ATOSA: variants seen among roughly 807,000 people sequenced by gnomAD.
The protein encoded by ATOSA is atos homolog A, also known as atos homolog protein A.
the ATOSA span, among the ~76,000 whole-genome samples, chr15:52,691,838 ATAAAT>A: frequency 8.6e-6 from 1 of 115,650 alleles, no homozygotes; most frequent in Non-Finnish European, 1.9e-5. Context: ...TGTGTCAAAA[ATAAAT>A]AAATAAATAA....
chr15:52,589,666 T>C, the ATOSA span, among the ~76,000 whole-genome samples: 33 of 152,364 alleles, frequency 2.2e-4, 1 homozygote, highest in South Asian at 6.4e-3. Context: ...TGGGAAATTA[T>C]TTGGAATTTT....
chr15:52,643,161 T>C, the ATOSA span, among the ~76,000 whole-genome samples: 1 of 152,320 alleles, frequency 6.6e-6, no homozygotes, highest in East Asian at 1.9e-4. Flanking sequence ...AAAAATTTTG[T>C]GGTCAGAAAG....
At chr15:52,694,790 C>T in the ATOSA span, among the ~76,000 whole-genome samples, 3 of 152,102 alleles carry the variant, frequency 2.0e-5, no homozygotes, top group Non-Finnish European at 2.9e-5. Flanking sequence ...TGTTTTACAA[C>T]AGCACTGCTG....
chr15:52,677,909 T>C, the ATOSA span: 1 of 1,459,014 alleles, frequency 6.9e-7, no homozygotes, highest in Admixed American at 1.7e-5. Context: ...GATACAGAAA[T>C]AGTTGATCCT....
chr15:52,601,344 G>A, the ATOSA span, among the ~76,000 whole-genome samples: 1 of 151,698 alleles, frequency 6.6e-6, no homozygotes, highest in East Asian at 1.9e-4. Context: ...TATTTTATTA[G>A]TGTTGAAAAA....
chr15:52,691,286 A>G, the ATOSA span, among the ~76,000 whole-genome samples: 1 of 152,184 alleles, frequency 6.6e-6, no homozygotes, highest in East Asian at 1.9e-4. Context: ...GCTTTACAAG[A>G]CTTAGTCTCA....
chr15:52,589,111 A>C, the ATOSA span, among the ~76,000 whole-genome samples: 1 of 152,346 alleles, frequency 6.6e-6, no homozygotes, highest in African/African-American at 2.4e-5. Context: ...GACAAATCAG[A>C]TTTGTCATAT....
the ATOSA span, among the ~76,000 whole-genome samples, chr15:52,695,584 A>G: frequency 6.6e-6 from 1 of 152,228 alleles, no homozygotes; most frequent in South Asian, 2.1e-4. Flanking sequence ...AGTGAACAAA[A>G]AGAATCTTGT....
At chr15:52,646,011 A>C in the ATOSA span, among the ~76,000 whole-genome samples, 3 of 152,342 alleles carry the variant, frequency 2.0e-5, no homozygotes, top group East Asian at 1.9e-4. Context: ...ATGACTTTCC[A>C]AAATTATCCT....
the ATOSA span, among the ~76,000 whole-genome samples, chr15:52,652,220 T>C: frequency 6.6e-6 from 1 of 152,188 alleles, no homozygotes; most frequent in Admixed American, 6.5e-5. Context: ...TTTAGGCAAC[T>C]TGAAAGGAAA....
At chr15:52,662,611 A>T in the ATOSA span, among the ~76,000 whole-genome samples, 1 of 151,514 alleles carries the variant, frequency 6.6e-6, no homozygotes, top group Non-Finnish European at 1.5e-5. Flanking sequence ...TCTACTAAAA[A>T]TACAAAAAAT....
chr15:52,601,183 A>G, the ATOSA span: 1 of 1,467,042 alleles, frequency 6.8e-7, no homozygotes, highest in Non-Finnish European at 9.1e-7. Flanking sequence ...CAAAACGATC[A>G]TTTGTGATAT....
At chr15:52,675,691 G>A in the ATOSA span, among the ~76,000 whole-genome samples, 62 of 152,140 alleles carry the variant, frequency 4.1e-4, no homozygotes, top group African/African-American at 1.4e-3. Flanking sequence ...GGCGGATCAC[G>A]AGCTCAGGAG....
chr15:52,705,611 T>C, the ATOSA span, among the ~76,000 whole-genome samples: 1 of 152,154 alleles, frequency 6.6e-6, no homozygotes, highest in East Asian at 1.9e-4. Flanking sequence ...GTATAACAGG[T>C]ACACTGCAAA....
the ATOSA span, among the ~76,000 whole-genome samples, chr15:52,604,377 A>G: frequency 6.6e-6 from 1 of 152,270 alleles, no homozygotes; most frequent in Non-Finnish European, 1.5e-5. Flanking sequence ...CTATTGTTCA[A>G]TAATTATTTT....
chr15:52,602,678 T>A, the ATOSA span, among the ~76,000 whole-genome samples: 1 of 152,172 alleles, frequency 6.6e-6, no homozygotes, highest in Non-Finnish European at 1.5e-5. Context: ...ACAATTTCTT[T>A]CAGGTGCTTC....
the ATOSA span, among the ~76,000 whole-genome samples, chr15:52,682,856 T>G: frequency 6.6e-6 from 1 of 152,260 alleles, no homozygotes; most frequent in South Asian, 2.1e-4. Flanking sequence ...TCAGTACAGT[T>G]AATTTCTAAG....
At chr15:52,631,233 T>C in the ATOSA span, among the ~76,000 whole-genome samples, 5 of 152,220 alleles carry the variant, frequency 3.3e-5, no homozygotes, top group Admixed American at 6.5e-5. Context: ...TGTGGAAAAC[T>C]GAAGTCTGGG....
the ATOSA span, among the ~76,000 whole-genome samples, chr15:52,652,231 G>A: frequency 6.6e-6 from 1 of 152,316 alleles, no homozygotes; most frequent in South Asian, 2.1e-4. Context: ...TGAAAGGAAA[G>A]AACAGTAGAC....
Sources: gnomAD v4.1 joint callset for allele counts (sites outside exome capture counted in the v4.1 genomes callset) on GRCh38, gnomAD v4.1.1 for gene constraint, MANE v1.5 for transcripts, NCBI Gene and HGNC (gene_info 2026-07-23, HGNC 2026-07-21) for gene names.